SRSF7: variants seen among roughly 807,000 people sequenced by gnomAD.
SRSF7 encodes the protein serine/arginine-rich splicing factor 7.
In SRSF7, 15 loss-of-function variants were observed where a neutral mutation model predicts 42.2. The observed-to-expected ratio is 0.36, with a 90% confidence interval of 0.24 to 0.55. The LOEUF is 0.55. Among genes scored for constraint, SRSF7 ranks in the 20% least tolerant of loss-of-function variants. The pLI is 0.88. For synonymous variants in SRSF7, 138 were observed against 107.9 expected (o/e 1.28, Z -1.73); for missense variants, 181 against 305.9 (o/e 0.59, Z 3.04).
chr2:38,746,638 C>T lies in SRSF7; in HGVS notation c.626+56G>A, dbSNP rs563111333. ...TTTCAACAATTAAAAACACTTTGAA[C>T]TCTTTGGATATTGGTGCCATATAAC... On this transcript the variant is annotated intron_variant, in intron 6 of 7. Coordinates refer to ENST00000313117, the MANE Select transcript of SRSF7 (RefSeq NM_001031684.3). 2.5e-5 allele frequency: 40 copies of T among 1,601,646 alleles called. No homozygotes were observed. The East Asian group carries it at 7.8e-4, about 31-fold the overall frequency.
At chr2:38,745,221 A>G (rs375555379) in intron 7 of SRSF7, 34 bp from the exon 8 acceptor site, 1 of 1,611,178 alleles carries the variant, frequency 6.2e-7, no homozygotes, top group Non-Finnish European at 8.5e-7. Context: ...GGATCCAATT[A>G]GTGTCAATTG....
At chr2:38,750,284 A>G in intron 1 of SRSF7, 90 bp from the exon 2 acceptor site, 1 of 1,228,170 alleles carries the variant, frequency 8.1e-7, no homozygotes, top group Non-Finnish European at 1.1e-6. Flanking sequence ...GGCCATCCTC[A>G]AGATTGGGTA....
chr2:38,745,210 T>C (rs769514307), intron 7 of SRSF7, 23 bp from the exon 8 acceptor site: 2 of 1,613,652 alleles, frequency 1.2e-6, no homozygotes, highest in East Asian at 4.5e-5. Flanking sequence ...ACATTAGGTT[T>C]GGATCCAATT....
chr2:38,747,033 G>A (rs1182188726), intron 5 of SRSF7: 1 of 573,220 alleles, frequency 1.7e-6, no homozygotes, highest in Non-Finnish European at 3.4e-6. Context: ...TTCATTTGAT[G>A]AGACTGGTAT....
chr2:38,749,710 T>C lies in SRSF7; in HGVS notation c.210-5A>G, dbSNP rs759972591. 9 of 1,535,464 alleles carry C rather than the reference T, an allele frequency of 5.9e-6. No individual in the cohort carries two copies. Among genetic ancestry groups the C allele is most frequent in the Middle Eastern group, 1.8e-4 (1 of 5,696 alleles). On this transcript the variant is annotated splice_polypyrimidine_tract_variant and splice_region_variant and intron_variant, in intron 2 of 7. Coordinates refer to ENST00000313117, the MANE Select transcript of SRSF7 (RefSeq NM_001031684.3). ...ACTCGGGAGCCACAAATCACCCTAA[T>C]AAAAGCAAATTAACAAAATTCTAAA...
chr2:38,748,557 C>T (rs1201610586), intron 4 of SRSF7, 22 bp downstream of exon 4: 4 of 1,609,510 alleles, frequency 2.5e-6, no homozygotes, highest in East Asian at 2.2e-5. Context: ...TACAGAAAGA[C>T]TTCAGTTAAA....
intron 5 of SRSF7, 138 bp from the exon 6 acceptor site, chr2:38,746,885 AAC>A: frequency 7.1e-7 from 1 of 1,413,824 alleles, no homozygotes; most frequent in Non-Finnish European, 9.5e-7. Context: ...TATTCTGTCT[AAC>A]ACACTGTCAA....
chr2:38,747,536 GTTC>G (rs1422611263), intron 5 of SRSF7, among the ~76,000 whole-genome samples: 2 of 151,614 alleles, frequency 1.3e-5, no homozygotes, highest in Non-Finnish European at 2.9e-5. Context: ...TAAAGCTCTG[GTTC>G]TTTAGTTTTT....
At chr2:38,748,806 T>A in intron 3 of SRSF7, 153 bp from the exon 4 acceptor site, 1 of 1,226,586 alleles carries the variant, frequency 8.2e-7, no homozygotes. Flanking sequence ...GAGTATTTTT[T>A]TTTTTACTAC....
At chr2:38,746,235 G>A (rs1667393731) in intron 6 of SRSF7, 56 bp from the exon 7 acceptor site, 1 of 1,584,960 alleles carries the variant, frequency 6.3e-7, no homozygotes, top group Non-Finnish European at 8.7e-7. Flanking sequence ...TCCCTTTCTT[G>A]TAGTCACCAA....
At chr2:38,750,835 G>C (rs951227192) in intron 1 of SRSF7, 4 of 268,316 alleles carry the variant, frequency 1.5e-5, no homozygotes, top group East Asian at 8.9e-5. Flanking sequence ...GCTGCGGCCA[G>C]ATCTGTCCGC....
At chr2:38,748,799 T>A in intron 3 of SRSF7, 146 bp from the exon 4 acceptor site, 1 of 1,190,480 alleles carries the variant, frequency 8.4e-7, no homozygotes, top group South Asian at 1.6e-5. Context: ...AGTTGTTGAG[T>A]ATTTTTTTTT....
chr2:38,750,160 G>T lies in SRSF7; in HGVS notation c.63C>A (p.Gly21=). ...CCCTTTCTAACTCTCCTTTGCCAGC[G>T]CCAGTTCCCAGGTTACCAACATACA... ...TKVYVGNLGT[G]AGKGELERAF... is the part of the protein sequence containing the mutation. The change falls in exon 2 of 8, where the codon GGC becomes GGA. Residue 21 remains glycine (G), a synonymous_variant. Transcript: ENST00000313117. 3 of 1,611,304 alleles carry T rather than the reference G, an allele frequency of 1.9e-6. No individual in the cohort carries two copies. The highest frequency in any genetic ancestry group is 2.5e-6 in the Non-Finnish European group (3 of 1,178,930).
intron 5 of SRSF7, 175 bp from the exon 6 acceptor site, chr2:38,746,922 A>G: frequency 1.8e-6 from 2 of 1,087,524 alleles, no homozygotes; most frequent in South Asian, 3.1e-5. Context: ...GACATAAGGA[A>G]CCCCCATTTC....
intron 3 of SRSF7, 67 bp from the exon 4 acceptor site, chr2:38,748,720 T>C: frequency 6.8e-7 from 1 of 1,474,548 alleles, no homozygotes; most frequent in Non-Finnish European, 9.5e-7. Flanking sequence ...TTTGTGTGCC[T>C]CTGCTGAAAT....
At chr2:38,751,406 T>C (rs1004039217), upstream of SRSF7, 7 of 1,012,734 alleles carry the variant, frequency 6.9e-6, no homozygotes, top group African/African-American at 1.1e-4. Context: ...CCGCTGCGCT[T>C]TGCGCATGCG....
chr2:38,749,330 G>A, intron 3 of SRSF7, 199 bp downstream of exon 3: 1 of 1,523,580 alleles, frequency 6.6e-7, no homozygotes, highest in Non-Finnish European at 8.8e-7. Context: ...CAAGGCGACT[G>A]ACTCAAACGA....
intron 7 of SRSF7, among the ~76,000 whole-genome samples, chr2:38,745,679 T>C (rs528614843): frequency 5.7e-4 from 87 of 151,598 alleles, no homozygotes; most frequent in African/African-American, 2.0e-3. Context: ...AATTAGGCTA[T>C]CCTCCTTGTC....
chr2:38,749,246 G>A (rs1667929551), intron 3 of SRSF7: 1 of 1,393,698 alleles, frequency 7.2e-7, no homozygotes, highest in African/African-American at 1.4e-5. Context: ...TCACCTCAAG[G>A]TCTAGGAGGA....
Sources: gnomAD v4.1 joint callset for allele counts (sites outside exome capture counted in the v4.1 genomes callset) on GRCh38, gnomAD v4.1.1 for gene constraint, MANE v1.5 for transcripts, NCBI Gene and HGNC (gene_info 2026-07-23, HGNC 2026-07-21) for gene names.